OPHN1: variants seen among roughly 807,000 people sequenced by gnomAD.
The protein encoded by OPHN1 is oligophrenin 1, also known as oligophrenin-1.
A neutral mutation model predicts 60.7 loss-of-function variants in OPHN1; 11 were observed. The ratio of observed to expected loss-of-function variants is 0.18; its 90% CI spans 0.11 to 0.30. OPHN1 has a LOEUF of 0.30. Ranked by LOEUF, OPHN1 falls within the 10% of genes least tolerant of loss-of-function variation. OPHN1 has a pLI of 1.00. For synonymous variants in OPHN1, 226 were observed against 222.6 expected (o/e 1.02, Z -0.14); for missense variants, 449 against 611.0 (o/e 0.73, Z 2.80).
In OPHN1 at chrX:68,098,381, A is replaced by C. The variant is rs766130430; in HGVS notation, c.1527-1352T>G. Among the ~76,000 whole-genome samples, 3 of 111,770 alleles carry C rather than the reference A, an allele frequency of 2.7e-5. No individual in the cohort carries two copies. The South Asian group carries it at 1.1e-3, about 42-fold the overall frequency. ...GTTTCAAACAGTCCTGGAGGCAGCC[A>C]AGTAAAAGGCAAGAATCTCTTTTGG... On this transcript the variant is annotated intron_variant, in intron 18 of 24. Coordinates refer to ENST00000355520, the MANE Select transcript of OPHN1 (RefSeq NM_002547.3).
At chrX:68,220,426 T>C (rs1182727990) in intron 6 of OPHN1, among the ~76,000 whole-genome samples, 1 of 111,222 alleles carries the variant, frequency 9.0e-6, no homozygotes, top group Non-Finnish European at 1.9e-5. Flanking sequence ...CCCTAACTCA[T>C]TTCATGAGGC....
intron 5 of OPHN1, among the ~76,000 whole-genome samples, chrX:68,243,019 C>CA (rs1234016036): frequency 2.7e-5 from 3 of 111,109 alleles, no homozygotes; most frequent in Non-Finnish European, 5.7e-5. Context: ...AGGCATGTGC[C>CA]ACCACACCTG....
At chrX:68,382,208 G>A (rs988156167) in intron 2 of OPHN1, among the ~76,000 whole-genome samples, 3 of 110,392 alleles carry the variant, frequency 2.7e-5, no homozygotes, top group African/African-American at 9.9e-5. Flanking sequence ...TCAGCCGGGC[G>A]TGGTGGTACA....
intron 2 of OPHN1, among the ~76,000 whole-genome samples, chrX:68,367,350 T>C (rs1364339769): frequency 1.1e-5 from 1 of 90,491 alleles, no homozygotes; most frequent in African/African-American, 4.6e-5. Flanking sequence ...CAAGACTCTG[T>C]CTCGGGAAAA....
In OPHN1 at chrX:68,210,400, CAAA is replaced by C. The variant is rs935639357; in HGVS notation, c.703-121_703-119del. ...GCTTACAGCATGTGCAACCACAAAG[CAAA>C]AAAAGAAATGGTGAATGGCATAGTG... On this transcript the variant is annotated intron_variant, in intron 8 of 24. Transcript: ENST00000355520. 9.9e-6 allele frequency: 7 copies of C among 707,732 alleles called. No individual in the cohort carries two copies. In the African/African-American group the frequency reaches 1.3e-4, roughly 13 times the overall value. 58.3% of individuals were successfully genotyped at this position (707,732 alleles called of 1,213,427 possible). A position where few individuals can be genotyped will look rare whatever the true frequency, so the allele number is the denominator to read the frequency against.
intron 15 of OPHN1, among the ~76,000 whole-genome samples, chrX:68,134,157 A>C (rs1200246871): frequency 9.0e-6 from 1 of 110,704 alleles, no homozygotes; most frequent in African/African-American, 3.3e-5. Context: ...CCTGGGTGAC[A>C]GAGTGAGACT....
chrX:68,403,775 CAG>C (rs1433117348), intron 2 of OPHN1, among the ~76,000 whole-genome samples: 7 of 110,090 alleles, frequency 6.4e-5, no homozygotes. Flanking sequence ...TGAGTCTAAA[CAG>C]AGGCAGCATT....
chrX:68,160,398 A>G (rs1306918563), intron 15 of OPHN1, among the ~76,000 whole-genome samples: 1 of 111,614 alleles, frequency 9.0e-6, no homozygotes, highest in Non-Finnish European at 1.9e-5. Context: ...AATAGGAAAT[A>G]GAAGACATTA....
intron 2 of OPHN1, among the ~76,000 whole-genome samples, chrX:68,411,886 A>G (rs1268068845): frequency 9.0e-6 from 1 of 111,321 alleles, no homozygotes; most frequent in African/African-American, 3.3e-5. Flanking sequence ...ATTTTCTTCC[A>G]GAGTTTGTAT....
At chrX:68,085,287 T>C (rs1418386828) in intron 19 of OPHN1, among the ~76,000 whole-genome samples, 1 of 112,205 alleles carries the variant, frequency 8.9e-6, no homozygotes, top group Non-Finnish European at 1.9e-5. Flanking sequence ...GGAATTGCTC[T>C]TCCCAAAGAT....
intron 2 of OPHN1, among the ~76,000 whole-genome samples, chrX:68,312,778 A>C (rs1189267851): frequency 8.9e-6 from 1 of 111,820 alleles, no homozygotes; most frequent in Non-Finnish European, 1.9e-5. Context: ...CTGAATAGGA[A>C]AAAATAGAGA....
At chrX:68,375,983 T>C (rs1295477893) in intron 2 of OPHN1, among the ~76,000 whole-genome samples, 1 of 111,429 alleles carries the variant, frequency 9.0e-6, no homozygotes, top group African/African-American at 3.3e-5. Context: ...CTTATTACCA[T>C]ATTCTATAGC....
chrX:68,337,796 C>CAAAAAAAAAAAAAAAAAAA (rs757328395), intron 2 of OPHN1, among the ~76,000 whole-genome samples: 1 of 62,801 alleles, frequency 1.6e-5, no homozygotes, highest in Non-Finnish European at 3.3e-5. Flanking sequence ...CACTCCAAAC[C>CAAAAAAAAAAAAAAAAAAA]AAAAAAAAAA....
At chrX:68,048,543 C>T (rs2076840007) in intron 23 of OPHN1, 86 bp from the exon 24 acceptor site, 6 of 848,985 alleles carry the variant, frequency 7.1e-6, no homozygotes, top group Non-Finnish European at 1.1e-5. Context: ...ACTTCTAGGC[C>T]AGTGCTAAAG....
intron 18 of OPHN1, among the ~76,000 whole-genome samples, chrX:68,108,524 C>G (rs2077090968): frequency 9.0e-6 from 1 of 110,971 alleles, no homozygotes; most frequent in East Asian, 2.8e-4. Flanking sequence ...CTCTTTTGTA[C>G]ACTATAAACT....
chrX:68,263,923 A>G (rs1161916030), intron 5 of OPHN1, among the ~76,000 whole-genome samples: 1 of 112,054 alleles, frequency 8.9e-6, no homozygotes, highest in Non-Finnish European at 1.9e-5. Context: ...TCCAGAGTAT[A>G]TTTTAGGGTA....
intron 2 of OPHN1, among the ~76,000 whole-genome samples, chrX:68,399,742 G>C (rs1452484927): frequency 2.7e-5 from 3 of 110,667 alleles, no homozygotes; most frequent in African/African-American, 9.8e-5. Context: ...TATCTCCCTA[G>C]CATGACCTAT....
chrX:68,222,694 C>A (rs1244161440), intron 6 of OPHN1, among the ~76,000 whole-genome samples: 2 of 101,935 alleles, frequency 2.0e-5, no homozygotes, highest in Non-Finnish European at 3.9e-5. Context: ...AAGCAAACAC[C>A]TCATATTCTC....
intron 21 of OPHN1, among the ~76,000 whole-genome samples, chrX:68,062,474 A>G (rs1184280049): frequency 8.9e-6 from 1 of 112,389 alleles, no homozygotes; most frequent in Non-Finnish European, 1.9e-5. Context: ...AAAATGTAAA[A>G]AAGAATTCTT....
Sources: allele counts gnomAD v4.1 joint callset (sites outside exome capture counted in the v4.1 genomes callset), GRCh38; gene constraint gnomAD v4.1.1; transcripts MANE v1.5; gene names NCBI Gene and HGNC (gene_info 2026-07-23, HGNC 2026-07-21).